The following CNTNAP2 variants were observed in gnomAD, a reference collection of about 807,000 sequenced individuals.
CNTNAP2 encodes contactin associated protein 2.
In CNTNAP2, 98 loss-of-function variants were observed where a neutral mutation model predicts 155.2. The ratio of observed to expected loss-of-function variants is 0.63; its 90% confidence interval spans 0.54 to 0.75. CNTNAP2 has a LOEUF of 0.75. CNTNAP2 is among the 30% of genes least tolerant of loss of function. The probability of loss-of-function intolerance (pLI) is 0.00; values close to 1 mark genes in which losing one functional copy is unlikely to be tolerated. For missense variants in CNTNAP2, 1,727 were observed against 1,688.1 expected (o/e 1.02, Z -0.40); for synonymous variants, 651 against 631.2 (o/e 1.03, Z -0.47).
chr7:147,930,701 CG>C (rs1466598396), intron 14 of CNTNAP2, among the ~76,000 whole-genome samples: 5 of 152,172 alleles, frequency 3.3e-5, no homozygotes, highest in Non-Finnish European at 7.4e-5. Context: ...GTGGACCTAA[CG>C]GACATACACA....
At chr7:148,337,153 C>T (rs1177933) in intron 21 of CNTNAP2, among the ~76,000 whole-genome samples, 77,287 of 151,842 alleles carry the variant, frequency 0.51, 19,887 homozygotes, top group East Asian at 0.66. Flanking sequence ...ACATTTCCCC[C>T]CATTCCTCCC....
intron 1 of CNTNAP2, among the ~76,000 whole-genome samples, chr7:146,499,617 G>A (rs1316819156): frequency 2.6e-5 from 4 of 151,528 alleles, no homozygotes; most frequent in Admixed American, 1.3e-4. Flanking sequence ...GAAGGCCCTA[G>A]TGTGTGATCT....
chr7:147,951,573 G>C (rs892254129), intron 14 of CNTNAP2, among the ~76,000 whole-genome samples: 3 of 152,296 alleles, frequency 2.0e-5, no homozygotes, highest in African/African-American at 7.2e-5. Flanking sequence ...GGGAATATAA[G>C]CAGCTGAATT....
Position 147,220,357 on chromosome 7 carries a change from C to T in CNTNAP2, c.1349-79784C>T, listed in dbSNP as rs114125681. 6.3e-3 allele frequency among the ~76,000 whole-genome samples: 959 copies of T among 152,292 alleles called. 13 individuals are homozygous for T. The highest frequency in any genetic ancestry group is 0.022 in the African/African-American group (899 of 41,554). On this transcript the variant is annotated intron_variant, in intron 8 of 23. Transcript: ENST00000361727. ...TCTCCATCCGTTTACTTTTAATCTACACGTGTCTTTATATTTAAACTGAGT... is the reference window on the plus strand; with the variant it reads ...TCTCCATCCGTTTACTTTTAATCTATACGTGTCTTTATATTTAAACTGAGT...
intron 1 of CNTNAP2, among the ~76,000 whole-genome samples, chr7:146,591,544 T>C (rs1202011565): frequency 6.6e-6 from 1 of 152,202 alleles, no homozygotes; most frequent in Non-Finnish European, 1.5e-5. Flanking sequence ...TATATGAGTG[T>C]CAATGAGGAG....
At chr7:146,588,415 A>T (rs1454583172) in intron 1 of CNTNAP2, among the ~76,000 whole-genome samples, 1 of 152,172 alleles carries the variant, frequency 6.6e-6, no homozygotes, top group Non-Finnish European at 1.5e-5. Context: ...ACAACTTTTT[A>T]AAATATTTTT....
At chr7:146,638,629 C>T (rs1009136115) in intron 1 of CNTNAP2, among the ~76,000 whole-genome samples, 2 of 151,342 alleles carry the variant, frequency 1.3e-5, no homozygotes, top group African/African-American at 2.4e-5. Flanking sequence ...GGACTACAGG[C>T]ACCCGCCACC....
At chr7:148,247,554 A>G (rs892918744) in intron 20 of CNTNAP2, among the ~76,000 whole-genome samples, 3 of 150,984 alleles carry the variant, frequency 2.0e-5, no homozygotes, top group African/African-American at 7.3e-5. Flanking sequence ...AACGCCCGGC[A>G]ATAGTTATCT....
At chr7:146,618,239 G>A (rs189666324) in intron 1 of CNTNAP2, among the ~76,000 whole-genome samples, 36 of 152,212 alleles carry the variant, frequency 2.4e-4, no homozygotes, top group Middle Eastern at 3.4e-3. Context: ...TGAAAAGGAT[G>A]ATATTGTGTG....
At chr7:147,327,691 A>C (rs918765643) in intron 9 of CNTNAP2, among the ~76,000 whole-genome samples, 4 of 152,192 alleles carry the variant, frequency 2.6e-5, no homozygotes, top group Non-Finnish European at 5.9e-5. Flanking sequence ...ATTTATAAGA[A>C]CAAGAGACTT....
At chr7:146,124,521 A>G (rs1797607588) in intron 1 of CNTNAP2, among the ~76,000 whole-genome samples, 1 of 152,212 alleles carries the variant, frequency 6.6e-6, no homozygotes, top group African/African-American at 2.4e-5. Context: ...AGCATATTTT[A>G]TGGGTCTTAT....
chr7:147,818,021 G>A (rs1285757546), intron 13 of CNTNAP2, among the ~76,000 whole-genome samples: 1 of 151,076 alleles, frequency 6.6e-6, no homozygotes, highest in African/African-American at 2.4e-5. Flanking sequence ...CATCTTTTCT[G>A]TATACAATTG....
intron 21 of CNTNAP2, among the ~76,000 whole-genome samples, chr7:148,311,366 G>A (rs1235654941): frequency 1.3e-5 from 2 of 152,122 alleles, no homozygotes; most frequent in African/African-American, 4.8e-5. Flanking sequence ...GCTAAGGAGG[G>A]ATTAGAAACG....
chr7:146,639,805 C>CT (rs1189809073), intron 1 of CNTNAP2, among the ~76,000 whole-genome samples: 1 of 152,212 alleles, frequency 6.6e-6, no homozygotes, highest in Non-Finnish European at 1.5e-5. Context: ...TTTTAGTAGA[C>CT]AAGGACACTG....
chr7:147,896,843 G>T (rs777641423), intron 13 of CNTNAP2, among the ~76,000 whole-genome samples: 1 of 152,156 alleles, frequency 6.6e-6, no homozygotes, highest in Non-Finnish European at 1.5e-5. Context: ...CTGTGGGAAA[G>T]GGCTATTATC....
At chr7:146,718,670 A>T (rs1025571517) in intron 1 of CNTNAP2, among the ~76,000 whole-genome samples, 5 of 152,184 alleles carry the variant, frequency 3.3e-5, no homozygotes, top group Admixed American at 2.6e-4. Flanking sequence ...GTTGAAGTTT[A>T]GATAAGGACA....
At chr7:147,006,905 T>C (rs956969210) in intron 3 of CNTNAP2, among the ~76,000 whole-genome samples, 4 of 152,058 alleles carry the variant, frequency 2.6e-5, no homozygotes, top group African/African-American at 9.7e-5. Flanking sequence ...AAGGAAAAAG[T>C]ACATGCTGAA....
Position 148,217,657 on chromosome 7 carries a change from T to G in CNTNAP2, c.3247+133T>G, listed in dbSNP as rs941021201. 3.1e-6 allele frequency: 3 copies of G among 961,930 alleles called. No individual in the cohort carries two copies. The African/African-American group carries it at 4.9e-5, about 16-fold the overall frequency. The allele number at this position is 961,930 out of a possible 1,614,324, so 59.6% of individuals were successfully genotyped here. On this transcript the variant is annotated intron_variant, in intron 19 of 23. Transcript: ENST00000361727. ...TTTTTAAGCAAGTCACATAACTTCTTTGAACCCCATTTCTCTCCATGAATA... is the reference window on the plus strand; with the variant it reads ...TTTTTAAGCAAGTCACATAACTTCTGTGAACCCCATTTCTCTCCATGAATA...
intron 3 of CNTNAP2, among the ~76,000 whole-genome samples, chr7:147,027,234 A>G (rs1016662279): frequency 1.3e-5 from 2 of 152,180 alleles, no homozygotes; most frequent in African/African-American, 4.8e-5. Context: ...CATACGTACA[A>G]GGGAATATAG....
Sources: gnomAD v4.1 joint callset for allele counts (sites outside exome capture counted in the v4.1 genomes callset) on GRCh38, gnomAD v4.1.1 for gene constraint, MANE v1.5 for transcripts, NCBI Gene and HGNC (gene_info 2026-07-23, HGNC 2026-07-21) for gene names.